WIPI2: variants seen among roughly 807,000 people sequenced by gnomAD.
WIPI2 encodes the protein WD repeat domain, phosphoinositide interacting 2, also known as WD repeat domain phosphoinositide-interacting protein 2.
Under a neutral mutation model 52.3 loss-of-function variants are expected in WIPI2, and 28 were observed. The observed-to-expected ratio is 0.54, with a 90% CI of 0.40 to 0.73. The LOEUF is 0.73. Among genes scored for constraint, WIPI2 ranks in the 30% least tolerant of loss-of-function variants. WIPI2 has a pLI of 0.00. For missense variants in WIPI2, 506 were observed against 602.9 expected, an observed-to-expected ratio of 0.84 and a Z score of 1.68; for synonymous variants, 268 against 245.0, an observed-to-expected ratio of 1.09 and a Z score of -0.88.
At chr7:5,206,804 C>T (rs1366474129) in intron 3 of WIPI2, among the ~76,000 whole-genome samples, 1 of 152,182 alleles carries the variant, frequency 6.6e-6, no homozygotes, top group African/African-American at 2.4e-5. Context: ...GCATCTAGCT[C>T]TGTCACCCAG....
intron 8 of WIPI2, among the ~76,000 whole-genome samples, chr7:5,224,722 C>T (rs932540821): frequency 1.3e-4 from 20 of 152,132 alleles, no homozygotes; most frequent in East Asian, 1.9e-4. Context: ...TGTGTGGGGC[C>T]GCCGGATCCA....
At position 5,227,128 on chromosome 7, in the gene WIPI2, C is replaced by A; in HGVS notation, c.849-52C>A. On this transcript the variant is annotated intron_variant, in intron 9 of 12. Transcript: ENST00000288828. This position sits in a 1 kb window ranked among gnomAD's most constrained non-coding sequence, Gnocchi z 8.1. ...TGCGTCTGTGTGAGTAGGGGGTGGC[C>A]GTCCCCCCAGGGAGGGTGCAGCTTC... 1 of 1,604,876 alleles carries A rather than the reference C, an allele frequency of 6.2e-7. No homozygotes were observed. Among genetic ancestry groups the A allele is most frequent in the Non-Finnish European group, 8.5e-7 (1 of 1,175,266 alleles).
intron 2 of WIPI2, among the ~76,000 whole-genome samples, chr7:5,196,484 G>T (rs1478850329): frequency 6.6e-6 from 1 of 152,264 alleles, no homozygotes; most frequent in East Asian, 1.9e-4. Flanking sequence ...AAACTGTGGG[G>T]TTAAACTTCT....
intron 3 of WIPI2, among the ~76,000 whole-genome samples, chr7:5,201,427 G>T (rs573658945): frequency 7.2e-5 from 11 of 152,328 alleles, no homozygotes; most frequent in African/African-American, 2.6e-4. Context: ...GGAACAAAAT[G>T]GGATGTCTTG....
chr7:5,191,937 C>G (rs1470277279), intron 1 of WIPI2, among the ~76,000 whole-genome samples: 1 of 152,142 alleles, frequency 6.6e-6, no homozygotes, highest in East Asian at 1.9e-4. Context: ...TGAGGAAATC[C>G]TTCCGAAAGG....
intron 12 of WIPI2, among the ~76,000 whole-genome samples, chr7:5,229,983 T>G (rs990709144): frequency 1.4e-5 from 2 of 146,530 alleles, no homozygotes; most frequent in Admixed American, 7.0e-5. Context: ...TTGCCCAGGG[T>G]GGTCTCAAAC....
chr7:5,219,914 C>G (rs565741656), intron 7 of WIPI2, among the ~76,000 whole-genome samples: 36 of 151,930 alleles, frequency 2.4e-4, no homozygotes, highest in African/African-American at 8.7e-4. Context: ...CTGCTCTATG[C>G]AACCTCCATC....
rs566214407 is a variant in WIPI2, at chr7:5,230,670, G to A, written c.1253-165G>A. Among the ~76,000 whole-genome samples, 1 of 152,332 alleles carries A rather than the reference G, an allele frequency of 6.6e-6. No individual in the cohort carries two copies. Among genetic ancestry groups the A allele is most frequent in the South Asian group, 2.1e-4 (1 of 4,828 alleles). On this transcript the variant is annotated intron_variant, in intron 12 of 12. Transcript: ENST00000288828. This position sits in a 1 kb window ranked among gnomAD's most constrained non-coding sequence, Gnocchi z 4.8. ...ATGACTTCATCTCGAGCTGCCTAAG[G>A]CTGCAAAGAGTTCATTAGAAAGCAA...
intron 7 of WIPI2, chr7:5,219,024 C>A (rs1337038007): frequency 2.0e-5 from 3 of 152,364 alleles, no homozygotes; most frequent in African/African-American, 4.8e-5. Context: ...CGTCGGCTCA[C>A]TTCCTTAGCT....
chr7:5,218,705 C>T (rs943013555), intron 7 of WIPI2: 11 of 152,202 alleles, frequency 7.2e-5, no homozygotes, highest in African/African-American at 2.7e-4. Flanking sequence ...TAAATGTCCC[C>T]GTGTACCTGT....
intron 3 of WIPI2, chr7:5,213,220 A>AGAC (rs1299803182): frequency 6.6e-6 from 1 of 152,290 alleles, no homozygotes; most frequent in Non-Finnish European, 1.5e-5. Context: ...CATTTGTGGC[A>AGAC]GACGCTTGCA....
At chr7:5,204,696 G>GTT (rs533063392) in intron 3 of WIPI2, among the ~76,000 whole-genome samples, 167 of 148,006 alleles carry the variant, frequency 1.1e-3, no homozygotes, top group Non-Finnish European at 1.8e-3. Flanking sequence ...CTACTACTGC[G>GTT]TTTTTTTTTT....
intron 3 of WIPI2, among the ~76,000 whole-genome samples, chr7:5,211,332 C>T (rs1236957296): frequency 6.6e-6 from 1 of 152,024 alleles, no homozygotes; most frequent in Non-Finnish European, 1.5e-5. Context: ...ATTAGGCAGG[C>T]GTGGTGGCAT....
At position 5,190,300 on chromosome 7, in the gene WIPI2, G is replaced by C. The variant is rs1271363363; in HGVS notation, c.-120G>C. The C allele has an allele frequency of 1.8e-6, 1 of 551,294 alleles. No homozygotes were observed. The highest frequency in any genetic ancestry group is 2.6e-6 in the Non-Finnish European group (1 of 380,518). 34.2% of individuals were successfully genotyped at this position (551,294 alleles called of 1,614,324 possible). ...CGGGATGAGGCGGCGGTTGATCCCA[G>C]GGTGGCGAGTGGCGGCGACCGAGGC... is the stretch of plus-strand genomic sequence containing the variant. On this transcript the variant is annotated 5_prime_UTR_variant, in exon 1 of 13. Coordinates refer to ENST00000288828, the MANE Select transcript of WIPI2 (RefSeq NM_015610.4).
chr7:5,205,305 A>G (rs1782241774), intron 3 of WIPI2, among the ~76,000 whole-genome samples: 1 of 152,084 alleles, frequency 6.6e-6, no homozygotes, highest in Admixed American at 6.5e-5. Context: ...TAATGACAAA[A>G]ATATGTTCAC....
At chr7:5,201,437 G>C (rs991338559) in intron 3 of WIPI2, among the ~76,000 whole-genome samples, 2 of 152,200 alleles carry the variant, frequency 1.3e-5, no homozygotes, top group African/African-American at 4.8e-5. Context: ...GGGATGTCTT[G>C]ATAGTATCTT....
intron 3 of WIPI2, among the ~76,000 whole-genome samples, chr7:5,208,595 A>G (rs1203208754): frequency 2.0e-5 from 3 of 152,030 alleles, no homozygotes; most frequent in African/African-American, 4.8e-5. Flanking sequence ...CTATCTCATT[A>G]ATTTTTATGT....
intron 3 of WIPI2, among the ~76,000 whole-genome samples, chr7:5,204,176 G>A (rs1782181636): frequency 6.6e-6 from 1 of 152,116 alleles, no homozygotes; most frequent in African/African-American, 2.4e-5. Flanking sequence ...ATGTTTGAAA[G>A]TTCATCTGGG....
At chr7:5,191,517 C>T (rs965811134) in intron 1 of WIPI2, among the ~76,000 whole-genome samples, 5 of 152,138 alleles carry the variant, frequency 3.3e-5, no homozygotes, top group Non-Finnish European at 7.4e-5. Flanking sequence ...CCAGCCCGTG[C>T]ATTCGGAACG....
Sources: allele counts gnomAD v4.1 joint callset (sites outside exome capture counted in the v4.1 genomes callset), GRCh38; gene constraint gnomAD v4.1.1; non-coding constraint Gnocchi (gnomAD v3.1); transcripts MANE v1.5; gene names NCBI Gene and HGNC (gene_info 2026-07-23, HGNC 2026-07-21).